The following BBOX1 variants were observed in gnomAD, a reference collection of about 807,000 sequenced individuals.
BBOX1 encodes the protein gamma-butyrobetaine dioxygenase.
A neutral mutation model predicts 41.6 loss-of-function variants in BBOX1; 35 were observed. The observed-to-expected ratio is 0.84, with a 90% CI of 0.64 to 1.11. The LOEUF is 1.11. Among genes scored for constraint, BBOX1 ranks in the 50% most tolerant of loss-of-function variants. The probability of loss-of-function intolerance (pLI) is 0.00; values close to 1 mark genes in which losing one functional copy is unlikely to be tolerated. For missense variants in BBOX1, 458 were observed against 460.6 expected, an observed-to-expected ratio of 0.99 and a Z score of 0.05; for synonymous variants, 163 against 154.7, an observed-to-expected ratio of 1.05 and a Z score of -0.40.
At chr11:27,114,023 A>G (rs1045017770) in intron 5 of BBOX1, among the ~76,000 whole-genome samples, 1 of 151,870 alleles carries the variant, frequency 6.6e-6, no homozygotes, top group African/African-American at 2.4e-5. Flanking sequence ...TCCACCCAAA[A>G]AAAGCTACTA....
At chr11:27,112,988 CA>C (rs1859127629) in intron 5 of BBOX1, among the ~76,000 whole-genome samples, 1 of 151,868 alleles carries the variant, frequency 6.6e-6, no homozygotes, top group South Asian at 2.1e-4. Flanking sequence ...AATAAGTGGG[CA>C]AAAAACATGA....
chr11:27,121,219 G>T (rs1369208321), intron 7 of BBOX1, among the ~76,000 whole-genome samples: 1 of 152,052 alleles, frequency 6.6e-6, no homozygotes, highest in African/African-American at 2.4e-5. Context: ...GGACATGTCT[G>T]GAGTGTTCAA....
At chr11:27,103,358 T>G (rs914401701) in intron 5 of BBOX1, among the ~76,000 whole-genome samples, 3 of 152,182 alleles carry the variant, frequency 2.0e-5, no homozygotes, top group African/African-American at 7.2e-5. Context: ...AAAATGTTTC[T>G]GGAATCATAT....
chr11:27,094,543 G>A (rs191101769), intron 5 of BBOX1, among the ~76,000 whole-genome samples: 3 of 152,048 alleles, frequency 2.0e-5, no homozygotes, highest in Admixed American at 1.3e-4. Flanking sequence ...CTAAATCCTT[G>A]CATGCCAACA....
chr11:27,109,332 A>G (rs1397498227), intron 5 of BBOX1, among the ~76,000 whole-genome samples: 1 of 152,078 alleles, frequency 6.6e-6, no homozygotes, highest in African/African-American at 2.4e-5. Context: ...AGTTTTTGAA[A>G]TACATTATTG....
chr11:27,104,103 G>T (rs1275917332), intron 5 of BBOX1, among the ~76,000 whole-genome samples: 1 of 152,072 alleles, frequency 6.6e-6, no homozygotes, highest in Non-Finnish European at 1.5e-5. Flanking sequence ...GTCATGGAAG[G>T]GAGATTTATC....
At chr11:27,107,774 C>T (rs185751578) in intron 5 of BBOX1, among the ~76,000 whole-genome samples, 96 of 152,174 alleles carry the variant, frequency 6.3e-4, no homozygotes, top group African/African-American at 2.2e-3. Flanking sequence ...TGCTTAGCTG[C>T]AAGATCAGGC....
At chr11:27,042,092 C>T (rs1851361112) in intron 2 of BBOX1, among the ~76,000 whole-genome samples, 1 of 152,168 alleles carries the variant, frequency 6.6e-6, no homozygotes, top group Non-Finnish European at 1.5e-5. Context: ...TAAGGTTTCT[C>T]ATAATGAATA....
intron 4 of BBOX1, among the ~76,000 whole-genome samples, chr11:27,061,221 G>A (rs922752040): frequency 6.6e-6 from 1 of 152,198 alleles, no homozygotes; most frequent in East Asian, 1.9e-4. Flanking sequence ...ATTTCTTGAT[G>A]AGTGCAGTTT....
intron 4 of BBOX1, among the ~76,000 whole-genome samples, chr11:27,085,070 T>C (rs1029770083): frequency 6.6e-6 from 1 of 152,184 alleles, no homozygotes; most frequent in South Asian, 2.1e-4. Context: ...GTTCCCTGGA[T>C]AGTCATGTTT....
chr11:27,123,479 C>T (rs529133952), intron 7 of BBOX1, among the ~76,000 whole-genome samples: 6 of 152,032 alleles, frequency 3.9e-5, no homozygotes, highest in African/African-American at 1.4e-4. Context: ...AGACGACCCC[C>T]CCAGAAGTTC....
Position 27,127,472 on chromosome 11 carries a change from T to C in BBOX1, c.*19T>C. The C allele has an allele frequency of 1.3e-6, 2 of 1,586,450 alleles. No individual in the cohort carries two copies. Among genetic ancestry groups the C allele is most frequent in the Non-Finnish European group, 1.7e-6 (2 of 1,170,980 alleles). On this transcript the variant is annotated 3_prime_UTR_variant, in exon 9 of 9. Coordinates refer to ENST00000263182, the MANE Select transcript of BBOX1 (RefSeq NM_003986.3). ...AAACTGAAGTCACCTGTAGATAATT[T>C]TAATAAGATTCCAATGACCATATTT...
At chr11:27,071,167 A>G (rs550117821) in intron 4 of BBOX1, among the ~76,000 whole-genome samples, 2 of 151,958 alleles carry the variant, frequency 1.3e-5, no homozygotes, top group Admixed American at 6.6e-5. Context: ...AAGGTCAGGA[A>G]ATCAAGACCA....
At chr11:27,048,535 T>C (rs1851564019) in intron 2 of BBOX1, among the ~76,000 whole-genome samples, 1 of 42,682 alleles carries the variant, frequency 2.3e-5, no homozygotes, top group Non-Finnish European at 6.7e-5. Flanking sequence ...AGATAGATGA[T>C]AGATAGATAG....
intron 6 of BBOX1, among the ~76,000 whole-genome samples, chr11:27,116,114 A>T (rs1359919142): frequency 1.3e-5 from 2 of 152,068 alleles, no homozygotes; most frequent in African/African-American, 4.8e-5. Context: ...AACGTGGCAG[A>T]TATACGCCAT....
chr11:27,074,653 GC>G (rs1380680470), intron 4 of BBOX1, among the ~76,000 whole-genome samples: 2 of 152,296 alleles, frequency 1.3e-5, no homozygotes, highest in Non-Finnish European at 2.9e-5. Context: ...TTTCTAAGCA[GC>G]AAAGCATTCA....
In BBOX1 at chr11:27,099,110, A is replaced by G. The variant is rs1242839157; in HGVS notation, c.533+5744A>G. Reference sequence around the variant, plus strand: ...CAAAAGCTCTTTGACAACATTGTCAAAATTTATCAGTCCATAATTTAAAAG... The same window carrying G: ...CAAAAGCTCTTTGACAACATTGTCAGAATTTATCAGTCCATAATTTAAAAG... On this transcript the variant is annotated intron_variant, in intron 5 of 8. Transcript: ENST00000263182. Among the ~76,000 whole-genome samples, 4 of 151,970 alleles carry G rather than the reference A, an allele frequency of 2.6e-5. No individual in the cohort carries two copies. In the South Asian group the frequency reaches 8.3e-4, roughly 31 times the overall value.
At chr11:27,047,744 T>G (rs1316198796) in intron 2 of BBOX1, among the ~76,000 whole-genome samples, 3 of 152,114 alleles carry the variant, frequency 2.0e-5, no homozygotes, top group Non-Finnish European at 4.4e-5. Flanking sequence ...TTCTGTTTTT[T>G]GGGGTAATTA....
chr11:27,063,318 A>G (rs990793834), intron 4 of BBOX1, among the ~76,000 whole-genome samples: 4 of 152,178 alleles, frequency 2.6e-5, no homozygotes, highest in Non-Finnish European at 2.9e-5. Flanking sequence ...AAATTTTGGC[A>G]TAATTATATG....
Sources: allele counts gnomAD v4.1 joint callset (sites outside exome capture counted in the v4.1 genomes callset), GRCh38; gene constraint gnomAD v4.1.1; transcripts MANE v1.5; gene names NCBI Gene and HGNC (gene_info 2026-07-23, HGNC 2026-07-21).